Variants in PTPRG observed in about 807,000 individuals in gnomAD.
PTPRG encodes receptor-type tyrosine-protein phosphatase gamma.
A neutral mutation model predicts 165.3 loss-of-function variants in PTPRG; 102 were observed. The ratio of observed to expected loss-of-function variants is 0.62; its 90% CI spans 0.53 to 0.73. PTPRG has a LOEUF of 0.73. Ranked by LOEUF, PTPRG falls within the 30% of genes least tolerant of loss-of-function variation. The pLI, the probability that PTPRG is intolerant of heterozygous loss-of-function variation, is 0.00. For synonymous variants in PTPRG, 675 were observed against 669.5 expected (o/e 1.01, Z -0.13); for missense variants, 1,866 against 1,861.4 (o/e 1.00, Z -0.05).
At chr3:62,221,063 G>T (rs951452947) in intron 13 of PTPRG, among the ~76,000 whole-genome samples, 1 of 152,184 alleles carries the variant, frequency 6.6e-6, no homozygotes, top group Non-Finnish European at 1.5e-5. Flanking sequence ...TTATAGGGAA[G>T]GGCTGTGTCA....
At position 61,684,644 on chromosome 3, in the gene PTPRG, C is replaced by T. The variant is rs188105045; in HGVS notation, c.86-64234C>T. 2.2e-4 allele frequency among the ~76,000 whole-genome samples: 33 copies of T among 152,318 alleles called. No individual in the cohort carries two copies. The East Asian group carries it at 5.6e-3, about 26-fold the overall frequency. On this transcript the variant is annotated intron_variant, in intron 1 of 29. Transcript: ENST00000474889. Reference sequence around the variant, plus strand: ...AAACACAGGTCATAAAAGCGGGGGCCTCTGATCCTGGGGCATTTACAGCTT... The same window carrying T: ...AAACACAGGTCATAAAAGCGGGGGCTTCTGATCCTGGGGCATTTACAGCTT...
At chr3:61,681,456 TG>T in intron 1 of PTPRG, among the ~76,000 whole-genome samples, 1 of 152,376 alleles carries the variant, frequency 6.6e-6, no homozygotes, top group African/African-American at 2.4e-5. Flanking sequence ...GAAGGTTGAC[TG>T]GATCTCGTAA....
At chr3:61,618,758 T>G (rs867873346) in intron 1 of PTPRG, among the ~76,000 whole-genome samples, 1 of 152,138 alleles carries the variant, frequency 6.6e-6, no homozygotes, top group East Asian at 1.9e-4. Flanking sequence ...CCAGAGACTT[T>G]CTGTTGATGA....
intron 3 of PTPRG, among the ~76,000 whole-genome samples, chr3:61,993,834 C>G (rs909402872): frequency 1.1e-4 from 16 of 152,004 alleles, no homozygotes; most frequent in Admixed American, 8.5e-4. Context: ...TAGACTCTGT[C>G]TTTTGTATAT....
At chr3:62,040,842 A>AT (rs1489669385) in intron 4 of PTPRG, among the ~76,000 whole-genome samples, 1 of 152,150 alleles carries the variant, frequency 6.6e-6, no homozygotes, top group Non-Finnish European at 1.5e-5. Context: ...TTTGATTTCT[A>AT]TTTTGAGCCT....
chr3:62,257,738 T>G (rs139668523), intron 16 of PTPRG, among the ~76,000 whole-genome samples: 325 of 152,236 alleles, frequency 2.1e-3, no homozygotes, highest in African/African-American at 7.3e-3. Flanking sequence ...GAGGATCGCT[T>G]GAGATCAGGA....
At chr3:61,661,390 G>A (rs1387842503) in intron 1 of PTPRG, among the ~76,000 whole-genome samples, 1 of 152,000 alleles carries the variant, frequency 6.6e-6, no homozygotes, top group African/African-American at 2.4e-5. Context: ...TGACTGTGGT[G>A]AATATCTTAT....
intron 1 of PTPRG, among the ~76,000 whole-genome samples, chr3:61,655,407 T>A (rs1447000146): frequency 1.3e-5 from 2 of 152,208 alleles, no homozygotes; most frequent in Non-Finnish European, 2.9e-5. Flanking sequence ...GTTTCACTTA[T>A]TCTTTTATCA....
intron 2 of PTPRG, among the ~76,000 whole-genome samples, chr3:61,783,449 G>C (rs1429160834): frequency 1.3e-5 from 2 of 152,162 alleles, no homozygotes; most frequent in African/African-American, 4.8e-5. Flanking sequence ...ATAGATGCCA[G>C]TTCACACAGT....
At chr3:61,672,118 G>A (rs1703026076) in intron 1 of PTPRG, among the ~76,000 whole-genome samples, 1 of 149,472 alleles carries the variant, frequency 6.7e-6, no homozygotes, top group Admixed American at 6.6e-5. Flanking sequence ...CATCTCAGAC[G>A]ATGGGCGGCC....
chr3:61,615,976 G>A (rs1052070319), intron 1 of PTPRG, among the ~76,000 whole-genome samples: 12 of 152,158 alleles, frequency 7.9e-5, no homozygotes, highest in Non-Finnish European at 5.9e-5. Flanking sequence ...GTTTGAGATG[G>A]AGTCTCGCTC....
intron 1 of PTPRG, among the ~76,000 whole-genome samples, chr3:61,621,051 A>ATGTGTGTGTGTGTGTGTGTGTG (rs1173192341): frequency 1.7e-4 from 20 of 117,932 alleles, no homozygotes; most frequent in African/African-American, 2.1e-4. Context: ...ATATATATAT[A>ATGTGTGTGTGTGTGTGTGTGTG]TGTGTGTGTG....
chr3:61,639,598 C>T (rs553146120), intron 1 of PTPRG, among the ~76,000 whole-genome samples: 38 of 151,838 alleles, frequency 2.5e-4, no homozygotes, highest in Non-Finnish European at 4.7e-4. Flanking sequence ...AGCAGTATTT[C>T]GTACTTCTTG....
intron 5 of PTPRG, among the ~76,000 whole-genome samples, chr3:62,110,766 G>A (rs1239432309): frequency 1.3e-5 from 2 of 152,138 alleles, no homozygotes; most frequent in African/African-American, 2.4e-5. Context: ...CTTTTCAATT[G>A]TTTCCCACTT....
intron 2 of PTPRG, among the ~76,000 whole-genome samples, chr3:61,950,941 A>G (rs1444910019): frequency 6.6e-6 from 1 of 152,250 alleles, no homozygotes; most frequent in African/African-American, 2.4e-5. Context: ...CATGTGGACA[A>G]GTATTTCAAC....
At chr3:62,199,929 AG>A (rs1195774176) in intron 10 of PTPRG, among the ~76,000 whole-genome samples, 2 of 152,258 alleles carry the variant, frequency 1.3e-5, no homozygotes, top group Admixed American at 1.3e-4. Context: ...TCAAAAAGGA[AG>A]GGAATTCTGA....
intron 1 of PTPRG, among the ~76,000 whole-genome samples, chr3:61,599,144 CATTA>C (rs1196398666): frequency 2.0e-5 from 3 of 152,126 alleles, no homozygotes; most frequent in Non-Finnish European, 2.9e-5. Context: ...TGCATTAAAC[CATTA>C]ATTAATTAAT....
chr3:62,257,720 C>T lies in PTPRG; in HGVS notation c.2559+2505C>T, dbSNP rs569982512. Reference sequence around the variant, plus strand: ...CTGTAATCCCAACACTTTGGGAGAACAAGGTGGGAGGATCGCTTGAGATCA... The same window carrying T: ...CTGTAATCCCAACACTTTGGGAGAATAAGGTGGGAGGATCGCTTGAGATCA... On this transcript the variant is annotated intron_variant, in intron 16 of 29. Transcript: ENST00000474889. Among the ~76,000 whole-genome samples, 13 of 152,222 alleles carry T rather than the reference C, an allele frequency of 8.5e-5. No individual in the cohort carries two copies. In the South Asian group the frequency reaches 1.9e-3, roughly 22 times the overall value.
intron 1 of PTPRG, among the ~76,000 whole-genome samples, chr3:61,697,088 C>T (rs1232978951): frequency 6.6e-6 from 1 of 152,136 alleles, no homozygotes. Context: ...CCTTCCCTGA[C>T]CCTTCTCCCC....
Sources: allele counts gnomAD v4.1 joint callset (sites outside exome capture counted in the v4.1 genomes callset), GRCh38; gene constraint gnomAD v4.1.1; transcripts MANE v1.5; gene names NCBI Gene and HGNC (gene_info 2026-07-23, HGNC 2026-07-21).